The following PCDHA11 variants were observed in gnomAD, a reference collection of about 807,000 sequenced individuals.
PCDHA11 encodes the protein protocadherin alpha-11.
PCDHA11 carries 61 observed loss-of-function variants against 70.3 expected under a neutral mutation model. The ratio of observed to expected loss-of-function variants is 0.87; its 90% CI spans 0.71 to 1.07. The LOEUF is 1.07. Among genes scored for constraint, PCDHA11 ranks in the 50% least tolerant of loss-of-function variants. PCDHA11 has a pLI of 0.00. For missense variants in PCDHA11, 1,324 were observed against 1,237.5 expected, an observed-to-expected ratio of 1.07 and a Z score of -1.05; for synonymous variants, 633 against 555.1, an observed-to-expected ratio of 1.14 and a Z score of -1.97.
At chr5:140,993,273 T>C (rs1212746492) in intron 3 of PCDHA11, among the ~76,000 whole-genome samples, 1 of 152,176 alleles carries the variant, frequency 6.6e-6, no homozygotes, top group Non-Finnish European at 1.5e-5. Flanking sequence ...TTCTTTGGTC[T>C]TTTCTTGCCC....
chr5:140,995,284 G>A (rs1439846116), intron 3 of PCDHA11, among the ~76,000 whole-genome samples: 2 of 152,112 alleles, frequency 1.3e-5, no homozygotes, highest in African/African-American at 4.8e-5. Flanking sequence ...TACCAAAACA[G>A]CCAGTCGGAT....
At chr5:140,992,416 C>T (rs3776107) in intron 3 of PCDHA11, among the ~76,000 whole-genome samples, 9,821 of 152,168 alleles carry the variant, frequency 0.065, 355 homozygotes, top group East Asian at 0.12. Context: ...TGCCCCAGGT[C>T]TAAGAATATT....
chr5:140,909,769 C>T (rs1213208977), intron 1 of PCDHA11, among the ~76,000 whole-genome samples: 2 of 152,104 alleles, frequency 1.3e-5, no homozygotes, highest in Non-Finnish European at 2.9e-5. Flanking sequence ...AGTCCAGGGA[C>T]CCACTGGACC....
chr5:140,968,869 C>T, intron 1 of PCDHA11: 1 of 1,614,210 alleles, frequency 6.2e-7, no homozygotes, highest in Non-Finnish European at 8.5e-7. Flanking sequence ...CTCGGACATA[C>T]TCTGAAATTA....
At chr5:140,994,329 T>A (rs1041024319) in intron 3 of PCDHA11, among the ~76,000 whole-genome samples, 2 of 152,096 alleles carry the variant, frequency 1.3e-5, no homozygotes, top group Non-Finnish European at 2.9e-5. Context: ...TCAGCAACCA[T>A]GAACAGTGGA....
chr5:140,925,806 C>A (rs2082736423), intron 1 of PCDHA11, among the ~76,000 whole-genome samples: 1 of 152,148 alleles, frequency 6.6e-6, no homozygotes, highest in South Asian at 2.1e-4. Flanking sequence ...TTCCCCTCCA[C>A]TTCTCACGTC....
intron 1 of PCDHA11, among the ~76,000 whole-genome samples, chr5:140,905,031 T>G (rs2071545933): frequency 6.6e-6 from 1 of 152,228 alleles, no homozygotes. Flanking sequence ...GCAGAAGCTT[T>G]TTAGTTTAAT....
At chr5:141,000,347 C>T (rs1587871994) in intron 3 of PCDHA11, among the ~76,000 whole-genome samples, 1 of 114,796 alleles carries the variant, frequency 8.7e-6, no homozygotes, top group Non-Finnish European at 1.8e-5. Flanking sequence ...CTATCTCTCT[C>T]TCTGTCTCTC....
At chr5:141,007,974 A>G (rs2098354254) in intron 3 of PCDHA11, among the ~76,000 whole-genome samples, 1 of 152,220 alleles carries the variant, frequency 6.6e-6, no homozygotes, top group Non-Finnish European at 1.5e-5. Flanking sequence ...GGTGTCTGTC[A>G]TGTATATATG....
chr5:140,898,228 C>T (rs1302111875), intron 1 of PCDHA11, among the ~76,000 whole-genome samples: 1 of 152,118 alleles, frequency 6.6e-6, no homozygotes, highest in Non-Finnish European at 1.5e-5. Flanking sequence ...CTTTTGTTGC[C>T]ATTGCTTTTG....
chr5:140,963,483 T>C (rs1228943699), intron 1 of PCDHA11, among the ~76,000 whole-genome samples: 1 of 152,246 alleles, frequency 6.6e-6, no homozygotes, highest in Non-Finnish European at 1.5e-5. Flanking sequence ...GGTAAATCTC[T>C]TGTGAGGAAA....
At chr5:140,883,597 G>T (rs2059691205) in intron 1 of PCDHA11, 3 of 1,614,004 alleles carry the variant, frequency 1.9e-6, no homozygotes, top group Middle Eastern at 1.7e-4. Context: ...GCGTGTCGGT[G>T]GGGGTGGCCG....
intron 3 of PCDHA11, among the ~76,000 whole-genome samples, chr5:140,999,693 A>AT (rs202183337): frequency 0.011 from 1,632 of 151,520 alleles, 13 homozygotes; most frequent in Middle Eastern, 0.058. Flanking sequence ...AAGAAATGTG[A>AT]TTTTTTTTTA....
chr5:140,960,875 A>G (rs2095577090), intron 1 of PCDHA11, among the ~76,000 whole-genome samples: 1 of 152,220 alleles, frequency 6.6e-6, no homozygotes, highest in African/African-American at 2.4e-5. Context: ...TAGCTGAAAT[A>G]CACACTAATG....
chr5:140,948,150 T>C (rs1477987526), intron 1 of PCDHA11, among the ~76,000 whole-genome samples: 2 of 151,642 alleles, frequency 1.3e-5, no homozygotes, highest in Non-Finnish European at 3.0e-5. Flanking sequence ...TTTTTGAATG[T>C]TGGAAAAAAC....
At chr5:140,993,830 A>G (rs536970854) in intron 3 of PCDHA11, among the ~76,000 whole-genome samples, 44 of 152,326 alleles carry the variant, frequency 2.9e-4, no homozygotes, top group Non-Finnish European at 5.0e-4. Context: ...GCTATACCAT[A>G]TAGCCTAGGT....
rs6883852 is a variant in PCDHA11, at chr5:140,924,704, G to T, written c.2391+53210G>T. 8.9e-3 allele frequency among the ~76,000 whole-genome samples: 1,352 copies of T among 152,160 alleles called. 15 individuals are homozygous for T. Among genetic ancestry groups the T allele is most frequent in the African/African-American group, 0.032 (1,309 of 41,486 alleles). On this transcript the variant is annotated intron_variant, in intron 1 of 3. Coordinates refer to ENST00000398640, the MANE Select transcript of PCDHA11 (RefSeq NM_018902.5). ...GAGGTCAGGAGTTCGAGACCAGCTT[G>T]TGCAACATGGCGAAACCTCACCTCT...
chr5:140,984,505 TGATGCATGAGTCACA>T (rs2097106604), intron 3 of PCDHA11, among the ~76,000 whole-genome samples: 1 of 152,206 alleles, frequency 6.6e-6, no homozygotes, highest in African/African-American at 2.4e-5. Context: ...GCCTGGCTGC[TGATGCATGAGTCACA>T]GTCTTCATGG....
At chr5:140,902,406 T>A (rs1166768605) in intron 1 of PCDHA11, among the ~76,000 whole-genome samples, 1 of 152,088 alleles carries the variant, frequency 6.6e-6, no homozygotes, top group Non-Finnish European at 1.5e-5. Flanking sequence ...AATACTATGT[T>A]GAATAACAGT....
Sources: allele counts gnomAD v4.1 joint callset (sites outside exome capture counted in the v4.1 genomes callset), GRCh38; gene constraint gnomAD v4.1.1; transcripts MANE v1.5; gene names NCBI Gene and HGNC (gene_info 2026-07-23, HGNC 2026-07-21).